GSTA3: variants seen among roughly 807,000 people sequenced by gnomAD.
GSTA3 encodes the protein glutathione S-transferase A3.
In GSTA3, 16 loss-of-function variants were observed where a neutral mutation model predicts 23.1. That is an observed-to-expected ratio of 0.69 (90% CI 0.47 to 1.05). The LOEUF is 1.05. Ranked by LOEUF, GSTA3 falls within the 50% of genes least tolerant of loss-of-function variation. The pLI, the probability that GSTA3 is intolerant of heterozygous loss-of-function variation, is 0.00. For missense variants in GSTA3, 319 were observed against 263.6 expected (o/e 1.21, Z -1.46); for synonymous variants, 122 against 91.0 (o/e 1.34, Z -1.94).
chr6:52,904,514 G>A (rs1765824353), intron 2 of GSTA3, among the ~76,000 whole-genome samples: 1 of 152,186 alleles, frequency 6.6e-6, no homozygotes, highest in Admixed American at 6.5e-5. Context: ...CCCTCGTGAA[G>A]CATTGGAGAA....
At chr6:52,908,130 AC>A (rs2127365432) in intron 1 of GSTA3, among the ~76,000 whole-genome samples, 1 of 150,918 alleles carries the variant, frequency 6.6e-6, no homozygotes, top group South Asian at 2.1e-4. Flanking sequence ...ATAGGATATA[AC>A]ATGGCTAGAT....
chr6:52,902,538 A>C, intron 3 of GSTA3, 60 bp from the exon 4 acceptor site: 1 of 1,508,496 alleles, frequency 6.6e-7, no homozygotes. Flanking sequence ...TATTTCAGGA[A>C]GAAAAATGAT....
In GSTA3 at chr6:52,907,312, G is replaced by A. The variant is rs973207529; in HGVS notation, c.-21-1457C>T. Among the ~76,000 whole-genome samples the A allele has an allele frequency of 2.4e-5, 3 of 123,868 alleles. 1 individual carries two copies. The highest frequency in any genetic ancestry group is 8.9e-5 in the Admixed American group (1 of 11,176). 81.3% of individuals were successfully genotyped at this position (123,868 alleles called of 152,430 possible). A position where few individuals can be genotyped will look rare whatever the true frequency, so the allele number is the denominator to read the frequency against. ...CAGTTAGAATGGCAATCATTAAAAA[G>A]TCAGGAAACAACAGGTGCTGGAGAG... On this transcript the variant is annotated intron_variant, in intron 1 of 6. Coordinates refer to ENST00000211122, the MANE Select transcript of GSTA3 (RefSeq NM_000847.5).
In GSTA3 at chr6:52,904,973, C is replaced by T. The variant is rs548033575; in HGVS notation, c.87+775G>A. ...CCTTGTTCACTGCCAATCCTCAGGA[C>T]AGAACCTGGCACTTAATAGGTGCAC... is the stretch of plus-strand genomic sequence containing the variant. On this transcript the variant is annotated intron_variant, in intron 2 of 6. Transcript: ENST00000211122. 2.0e-5 allele frequency among the ~76,000 whole-genome samples: 3 copies of T among 152,328 alleles called. No individual in the cohort carries two copies. The East Asian group carries it at 5.8e-4, about 29-fold the overall frequency.
intron 1 of GSTA3, among the ~76,000 whole-genome samples, chr6:52,907,464 C>T (rs1192321704): frequency 2.0e-5 from 3 of 149,946 alleles, no homozygotes; most frequent in South Asian, 2.1e-4. Flanking sequence ...CCAGCCATCC[C>T]ATTACTGGGT....
chr6:52,896,801 C>T lies in GSTA3; in HGVS notation c.*5G>A, dbSNP rs1765454535. ...TGCATGTTCTTAGCCTCCATGGCTGCTTTATTAAAACCTGAAAATCTTTCT... is the reference window on the plus strand; with the variant it reads ...TGCATGTTCTTAGCCTCCATGGCTGTTTTATTAAAACCTGAAAATCTTTCT... On this transcript the variant is annotated 3_prime_UTR_variant, in exon 7 of 7. Coordinates refer to ENST00000211122, the MANE Select transcript of GSTA3 (RefSeq NM_000847.5). 5 of 1,613,878 alleles carry T rather than the reference C, an allele frequency of 3.1e-6. No homozygotes were observed. Among genetic ancestry groups the T allele is most frequent in the Non-Finnish European group, 3.4e-6 (4 of 1,179,826 alleles).
chr6:52,899,671 T>C (rs1337169146), intron 5 of GSTA3, among the ~76,000 whole-genome samples: 1 of 152,222 alleles, frequency 6.6e-6, no homozygotes. Context: ...ATGTTCTACT[T>C]ATGAACATAA....
rs748017418 is a variant in GSTA3, at chr6:52,900,022, A to G, written c.326T>C (p.Leu109Pro). The G allele has an allele frequency of 6.2e-7, 1 of 1,613,370 alleles. No homozygotes were observed. The highest frequency in any genetic ancestry group is 1.1e-5 in the South Asian group (1 of 91,020). Residue 109 changes from leucine to proline, a missense_variant, in exon 5 of 7, where the codon CTG becomes CCG. By Grantham distance (98) the Leu-to-Pro change is moderately conservative. Transcript: ENST00000211122. ...MADLNEMILL[L>P]PLCRPEEKDA... ...TTTTTCCTCAGGTCGACATAAGGGCAGAAGAAGGATCATTTCATTCAAATC... is the reference window on the plus strand; with the variant it reads ...TTTTTCCTCAGGTCGACATAAGGGCGGAAGAAGGATCATTTCATTCAAATC...
intron 1 of GSTA3, 104 bp from the exon 2 acceptor site, chr6:52,905,959 C>G (rs1400931278): frequency 3.7e-6 from 2 of 541,518 alleles, no homozygotes; most frequent in Admixed American, 3.7e-5. Flanking sequence ...GTCTTCCTTC[C>G]TCATAGCAGG....
Position 52,896,669 on chromosome 6 carries a change from A to G in GSTA3, c.*137T>C. 1.0e-6 allele frequency: 1 copy of G among 970,016 alleles called. No homozygotes were observed. The highest frequency in any genetic ancestry group is 1.5e-6 in the Non-Finnish European group (1 of 672,892). 60.1% of individuals were successfully genotyped at this position (970,016 alleles called of 1,614,324 possible). On this transcript the variant is annotated 3_prime_UTR_variant, in exon 7 of 7. Coordinates refer to ENST00000211122, the MANE Select transcript of GSTA3 (RefSeq NM_000847.5). ...ACTAAGTTAGCAAATAGGAGTTTTTATTATTTAATTAGCATATAATTGGAA... is the reference window on the plus strand; with the variant it reads ...ACTAAGTTAGCAAATAGGAGTTTTTGTTATTTAATTAGCATATAATTGGAA...
chr6:52,900,757 G>C (rs997468213), intron 4 of GSTA3, among the ~76,000 whole-genome samples: 1 of 152,170 alleles, frequency 6.6e-6, no homozygotes, highest in Non-Finnish European at 1.5e-5. Context: ...TTTGTTCTGT[G>C]CATAAACTTC....
chr6:52,898,907 A>G (rs925958684), intron 5 of GSTA3, among the ~76,000 whole-genome samples: 5 of 152,094 alleles, frequency 3.3e-5, no homozygotes, highest in Non-Finnish European at 7.4e-5. Flanking sequence ...CTAGGGTTAG[A>G]CTGCACTGGC....
At chr6:52,909,521 A>G (rs996137097) in intron 1 of GSTA3, 120 bp downstream of exon 1, 3 of 152,216 alleles carry the variant, frequency 2.0e-5, no homozygotes, top group Admixed American at 6.5e-5. Flanking sequence ...ATTGTCTCCT[A>G]AGCACACAGA....
Position 52,896,866 on chromosome 6 carries a change from T to C in GSTA3, c.609A>G (p.Pro203=), listed in dbSNP as rs1426754673. The C allele has an allele frequency of 1.2e-6, 2 of 1,614,008 alleles. No individual in the cohort carries two copies. Among genetic ancestry groups the C allele is most frequent in the African/African-American group, 2.7e-5 (2 of 74,926 alleles). Reference sequence around the variant, plus strand: ...CTTTTGCATCTGCGGGAGGCTTCCTTGGGCTGCCAGGCTGTAGAAACTTCT... The same window carrying C: ...CTTTTGCATCTGCGGGAGGCTTCCTCGGGCTGCCAGGCTGTAGAAACTTCT... ...TVKKFLQPGS[P]RKPPADAKAL... is the part of the protein sequence containing the mutation. Residue 203 remains proline, a synonymous_variant, in exon 7 of 7, where the codon CCA becomes CCG. Coordinates refer to ENST00000211122, the MANE Select transcript of GSTA3 (RefSeq NM_000847.5).
chr6:52,909,608 A>C (rs1014690682), intron 1 of GSTA3, 33 bp downstream of exon 1: 5 of 152,208 alleles, frequency 3.3e-5, no homozygotes, highest in Non-Finnish European at 7.3e-5. Flanking sequence ...AGACATGAGA[A>C]CATTTATGAA....
At chr6:52,896,985 T>C (rs2127351746) in intron 6 of GSTA3, 57 bp from the exon 7 acceptor site, 1 of 1,605,952 alleles carries the variant, frequency 6.2e-7, no homozygotes, top group Non-Finnish European at 8.5e-7. Flanking sequence ...CCACCATTAA[T>C]ACCACCCAGG....
intron 5 of GSTA3, among the ~76,000 whole-genome samples, chr6:52,899,022 A>C (rs922521098): frequency 1.3e-5 from 2 of 152,022 alleles, no homozygotes; most frequent in Non-Finnish European, 2.9e-5. Flanking sequence ...TTAGGAGGAG[A>C]AGGTAATCGG....
rs927713545 is a variant in GSTA3, at chr6:52,907,741, G to A, written c.-21-1886C>T. Among the ~76,000 whole-genome samples the A allele has an allele frequency of 1.6e-3, 243 of 148,602 alleles. 5 individuals are homozygous for A. Among genetic ancestry groups the A allele is most frequent in the Middle Eastern group, 6.9e-3 (2 of 288 alleles). On this transcript the variant is annotated intron_variant, in intron 1 of 6. Coordinates refer to ENST00000211122, the MANE Select transcript of GSTA3 (RefSeq NM_000847.5). Reference sequence around the variant, plus strand: ...CGCAAGGACAAAAAAACCAAACACCGCATGTTCTCACTCATAGGTGGGAAT... The same window carrying A: ...CGCAAGGACAAAAAAACCAAACACCACATGTTCTCACTCATAGGTGGGAAT...
At chr6:52,907,299 C>T (rs1765922832) in intron 1 of GSTA3, among the ~76,000 whole-genome samples, 1 of 120,214 alleles carries the variant, frequency 8.3e-6, no homozygotes, top group African/African-American at 3.7e-5. Flanking sequence ...GTTAGAATGG[C>T]AATCATTAAA....
Sources: gnomAD v4.1 joint callset for allele counts (sites outside exome capture counted in the v4.1 genomes callset) on GRCh38, gnomAD v4.1.1 for gene constraint, MANE v1.5 for transcripts, NCBI Gene and HGNC (gene_info 2026-07-23, HGNC 2026-07-21) for gene names.